The following CAPN9 variants were observed in gnomAD, a reference collection of about 807,000 sequenced individuals.
The protein encoded by CAPN9 is calpain 9.
CAPN9 carries 81 observed loss-of-function variants against 92.8 expected under a neutral mutation model. The observed-to-expected ratio is 0.87, with a 90% CI of 0.73 to 1.05. The LOEUF (loss-of-function observed/expected upper bound fraction) is 1.05, where lower values mean the gene tolerates loss of function less well. Ranked by LOEUF, CAPN9 falls within the 50% of genes least tolerant of loss-of-function variation. The probability of loss-of-function intolerance (pLI) is 0.00; values close to 1 mark genes in which losing one functional copy is unlikely to be tolerated. For missense variants in CAPN9, 848 were observed against 866.2 expected (o/e 0.98, Z 0.26); for synonymous variants, 304 against 328.0 (o/e 0.93, Z 0.79).
intron 5 of CAPN9, 94 bp from the exon 6 acceptor site, chr1:230,769,086 G>A: frequency 1.0e-6 from 1 of 958,430 alleles, no homozygotes; most frequent in Non-Finnish European, 1.7e-6. Context: ...AGGGGCTGGA[G>A]GTTGTGACCG....
intron 9 of CAPN9, among the ~76,000 whole-genome samples, chr1:230,779,402 A>T (rs559496686): frequency 2.0e-5 from 3 of 152,330 alleles, no homozygotes; most frequent in East Asian, 1.9e-4. Flanking sequence ...GTTATCTCAC[A>T]TAATTGAAGA....
At chr1:230,784,120 C>G (rs1018181146) in intron 11 of CAPN9, among the ~76,000 whole-genome samples, 1 of 152,162 alleles carries the variant, frequency 6.6e-6, no homozygotes, top group African/African-American at 2.4e-5. Flanking sequence ...GACCTGGCTG[C>G]TTCTAACAAC....
intron 1 of CAPN9, among the ~76,000 whole-genome samples, chr1:230,751,637 A>C (rs919342548): frequency 2.1e-5 from 2 of 93,830 alleles, no homozygotes; most frequent in Non-Finnish European, 4.2e-5. Context: ...GAAAGAAAGA[A>C]AGAAAGAAAG....
At chr1:230,790,429 C>G in intron 14 of CAPN9, 2 of 466,930 alleles carry the variant, frequency 4.3e-6, no homozygotes, top group Non-Finnish European at 5.6e-6. Context: ...CAAATGATCT[C>G]ACCACCATAA....
chr1:230,764,850 T>A (rs1665869124), intron 4 of CAPN9, among the ~76,000 whole-genome samples: 1 of 152,204 alleles, frequency 6.6e-6, no homozygotes, highest in African/African-American at 2.4e-5. Context: ...GATTCCAGAA[T>A]GAACTTAGAT....
Position 230,801,814 on chromosome 1 carries a change from T to C in CAPN9, c.*218T>C. ...TGTAAAGTCACTGCCTTAAGGGGGC[T>C]GATGGCGCCACCTGTGCCTTACATC... On this transcript the variant is annotated 3_prime_UTR_variant, in exon 20 of 20. Coordinates refer to ENST00000271971, the MANE Select transcript of CAPN9 (RefSeq NM_006615.3). 1.7e-6 allele frequency: 1 copy of C among 579,696 alleles called. No individual in the cohort carries two copies. Among genetic ancestry groups the C allele is most frequent in the South Asian group, 2.3e-5 (1 of 43,758 alleles). The allele number at this position is 579,696 out of a possible 1,614,324, so 35.9% of individuals were successfully genotyped here.
chr1:230,796,277 G>T (rs6701148), intron 18 of CAPN9, among the ~76,000 whole-genome samples: 1 of 150,988 alleles, frequency 6.6e-6, no homozygotes, highest in African/African-American at 2.4e-5. Context: ...GTGAGCTGAG[G>T]TTTGCCACTG....
At chr1:230,792,592 G>C (rs979826848) in intron 16 of CAPN9, 98 bp downstream of exon 16, 8 of 987,534 alleles carry the variant, frequency 8.1e-6, no homozygotes, top group Non-Finnish European at 1.1e-5. Flanking sequence ...CTATAGGCTA[G>C]AGGAATTGTA....
At chr1:230,786,799 C>A (rs1461603941) in intron 12 of CAPN9, among the ~76,000 whole-genome samples, 1 of 152,088 alleles carries the variant, frequency 6.6e-6, no homozygotes. Context: ...GAAAAGAAAA[C>A]CAGAGAGGCA....
At chr1:230,770,968 G>T (rs1226856060) in intron 6 of CAPN9, among the ~76,000 whole-genome samples, 5 of 152,204 alleles carry the variant, frequency 3.3e-5, no homozygotes, top group Non-Finnish European at 5.9e-5. Flanking sequence ...TTAGCTATTT[G>T]TGTTGGCTCC....
intron 5 of CAPN9, among the ~76,000 whole-genome samples, chr1:230,768,346 A>G (rs1201907023): frequency 1.3e-5 from 2 of 152,070 alleles, no homozygotes; most frequent in African/African-American, 4.8e-5. Flanking sequence ...ATACAGGCGC[A>G]TTTTTACCTC....
chr1:230,759,762 G>GT, intron 3 of CAPN9, 132 bp downstream of exon 3: 2 of 517,658 alleles, frequency 3.9e-6, no homozygotes, highest in Non-Finnish European at 6.8e-6. Flanking sequence ...CCTAAACCAT[G>GT]CTAAAGCCAC....
chr1:230,767,205 AT>A (rs1448310196), intron 4 of CAPN9, among the ~76,000 whole-genome samples: 1 of 152,074 alleles, frequency 6.6e-6, no homozygotes, highest in Non-Finnish European at 1.5e-5. Context: ...TCTCTCCCCC[AT>A]TTTGCATATA....
At chr1:230,787,878 CAG>C (rs1667717170) in intron 13 of CAPN9, among the ~76,000 whole-genome samples, 2 of 152,206 alleles carry the variant, frequency 1.3e-5, no homozygotes, top group Non-Finnish European at 2.9e-5. Flanking sequence ...TTGCTTTAGA[CAG>C]AGTCTCACTC....
Position 230,758,699 on chromosome 1 carries a change from T to A in CAPN9, c.284-813T>A, listed in dbSNP as rs117410871. On this transcript the variant is annotated intron_variant, in intron 2 of 19. Coordinates refer to ENST00000271971, the MANE Select transcript of CAPN9 (RefSeq NM_006615.3). ...AACTCAGAAACTGCCAAGCTGAGTG[T>A]GATGGGCTTTTAGGTTCTGATGACG... Among the ~76,000 whole-genome samples, 48 of 152,300 alleles carry A rather than the reference T, an allele frequency of 3.2e-4. No individual in the cohort carries two copies. The East Asian group carries it at 8.9e-3, about 28-fold the overall frequency.
intron 1 of CAPN9, among the ~76,000 whole-genome samples, chr1:230,753,729 T>C (rs1665008674): frequency 1.3e-5 from 2 of 152,038 alleles, no homozygotes; most frequent in Non-Finnish European, 2.9e-5. Flanking sequence ...GAAAAATCCT[T>C]CACTCCTCTG....
chr1:230,787,626 T>A, intron 13 of CAPN9, 24 bp downstream of exon 13: 3 of 1,604,182 alleles, frequency 1.9e-6, no homozygotes, highest in Non-Finnish European at 2.6e-6. Flanking sequence ...CACTTCCATC[T>A]CCCCACCAGG....
Position 230,794,250 on chromosome 1 carries a change from T to C in CAPN9, c.1871-913T>C, listed in dbSNP as rs901118887. Among the ~76,000 whole-genome samples, 26 of 152,056 alleles carry C rather than the reference T, an allele frequency of 1.7e-4. 1 individual carries two copies. Among genetic ancestry groups the C allele is most frequent in the African/African-American group, 6.3e-4 (26 of 41,400 alleles). The stretch of plus-strand genomic sequence containing the variant: ...TGTAATGCTAGCACTTTGGGAGGCC[T>C]AGGTGGGTGGATCATGAGGTCAGGA... On this transcript the variant is annotated intron_variant, in intron 17 of 19. Transcript: ENST00000271971.
At chr1:230,783,694 A>G (rs1422774923) in intron 11 of CAPN9, among the ~76,000 whole-genome samples, 1 of 152,228 alleles carries the variant, frequency 6.6e-6, no homozygotes, top group Admixed American at 6.5e-5. Flanking sequence ...TTATAGCAGT[A>G]CAAGAACAGC....
Sources: allele counts gnomAD v4.1 joint callset (sites outside exome capture counted in the v4.1 genomes callset), GRCh38; gene constraint gnomAD v4.1.1; transcripts MANE v1.5; gene names NCBI Gene and HGNC (gene_info 2026-07-23, HGNC 2026-07-21).